PSD3: variants seen among roughly 807,000 people sequenced by gnomAD.
The protein encoded by PSD3 is pleckstrin and Sec7 domain containing 3, also known as PH and SEC7 domain-containing protein 3.
Under a neutral mutation model 105.5 loss-of-function variants are expected in PSD3, and 49 were observed. The ratio of observed to expected loss-of-function variants is 0.46; its 90% CI spans 0.37 to 0.59. PSD3 has a LOEUF of 0.59. PSD3 is among the 20% of genes least tolerant of loss of function. PSD3 has a pLI of 0.00. For missense variants in PSD3, 1,561 were observed against 1,263.8 expected (o/e 1.24, Z -3.57); for synonymous variants, 557 against 457.8 (o/e 1.22, Z -2.77).
chr8:18,949,104 C>T (rs1823040637), intron 1 of PSD3, among the ~76,000 whole-genome samples: 2 of 148,674 alleles, frequency 1.3e-5, no homozygotes, highest in Non-Finnish European at 3.0e-5. Context: ...CCCCTGTAGT[C>T]CCAGCTACTC....
chr8:18,915,687 C>T (rs916661736), intron 2 of PSD3, among the ~76,000 whole-genome samples: 5 of 152,064 alleles, frequency 3.3e-5, no homozygotes, highest in East Asian at 1.9e-4. Flanking sequence ...GGTATCACCT[C>T]GAATCTGTTA....
intron 9 of PSD3, among the ~76,000 whole-genome samples, chr8:18,723,357 A>G (rs1803130384): frequency 6.6e-6 from 1 of 152,222 alleles, no homozygotes. Context: ...GCCTTTGTGC[A>G]TATATGGATT....
chr8:19,019,994 C>T (rs917743676), intron 1 of PSD3, among the ~76,000 whole-genome samples: 1 of 152,068 alleles, frequency 6.6e-6, no homozygotes, highest in East Asian at 1.9e-4. Flanking sequence ...TCACCTTTCC[C>T]CCAAGACCCG....
At position 18,532,085 on chromosome 8, in the gene PSD3, G is replaced by C. The variant is rs372140575; in HGVS notation, c.*3658C>G. On this transcript the variant is annotated 3_prime_UTR_variant, in exon 16 of 16. Transcript: ENST00000327040. ...AAGACAATGGAGAAACTTCTTTAAC[G>C]TCAATTTTCTTCCAATTGTCAATGA... The C allele has an allele frequency of 6.6e-6, 1 of 152,152 alleles. No homozygotes were observed. The highest frequency in any genetic ancestry group is 1.5e-5 in the Non-Finnish European group (1 of 68,022). The allele number at this position is 152,152 out of a possible 1,614,324, so 9.4% of individuals were successfully genotyped here.
At chr8:18,815,125 T>C (rs114841705) in intron 4 of PSD3, among the ~76,000 whole-genome samples, 2,081 of 152,296 alleles carry the variant, frequency 0.014, 41 homozygotes, top group African/African-American at 0.048. Context: ...TAATAAATGC[T>C]ACAATCTAGC....
intron 4 of PSD3, among the ~76,000 whole-genome samples, chr8:18,854,779 C>A (rs1412347960): frequency 6.6e-6 from 1 of 152,164 alleles, no homozygotes; most frequent in Non-Finnish European, 1.5e-5. Flanking sequence ...TAATATTATA[C>A]ACAATTTAGC....
At chr8:18,574,496 A>G (rs1376636767) in intron 13 of PSD3, among the ~76,000 whole-genome samples, 1 of 152,182 alleles carries the variant, frequency 6.6e-6, no homozygotes, top group Non-Finnish European at 1.5e-5. Flanking sequence ...ACCCCGGGCA[A>G]CTTGTTTCCT....
intron 8 of PSD3, among the ~76,000 whole-genome samples, chr8:18,771,928 T>G (rs1292224900): frequency 6.6e-6 from 1 of 152,246 alleles, no homozygotes; most frequent in South Asian, 2.1e-4. Flanking sequence ...CGTTCTACTT[T>G]CTGTTTATAT....
At chr8:18,870,183 T>C (rs1347764038) in intron 3 of PSD3, among the ~76,000 whole-genome samples, 1 of 151,968 alleles carries the variant, frequency 6.6e-6, no homozygotes, top group East Asian at 1.9e-4. Context: ...GGCATTTCCT[T>C]ACACCGAACA....
At chr8:19,062,399 A>G (rs1447779494) in intron 1 of PSD3, among the ~76,000 whole-genome samples, 1 of 152,104 alleles carries the variant, frequency 6.6e-6, no homozygotes, top group Non-Finnish European at 1.5e-5. Context: ...TCAAGTCCAA[A>G]CCCCATTTTG....
At chr8:19,074,734 C>T (rs1185890995) in intron 1 of PSD3, among the ~76,000 whole-genome samples, 1 of 149,378 alleles carries the variant, frequency 6.7e-6, no homozygotes, top group East Asian at 2.0e-4. Context: ...CATTCTCCTG[C>T]CTCAGCCTCC....
intron 2 of PSD3, among the ~76,000 whole-genome samples, chr8:18,915,478 T>C (rs757683173): frequency 6.6e-5 from 10 of 152,124 alleles, no homozygotes; most frequent in Non-Finnish European, 1.2e-4. Flanking sequence ...ATATCCAAGA[T>C]ATAAATACAT....
At chr8:18,966,391 G>A (rs563152297) in intron 1 of PSD3, among the ~76,000 whole-genome samples, 4 of 152,054 alleles carry the variant, frequency 2.6e-5, no homozygotes, top group South Asian at 2.1e-4. Flanking sequence ...CCAACACTGC[G>A]AAATCCCCAT....
At chr8:18,827,337 G>C (rs765576604) in intron 4 of PSD3, among the ~76,000 whole-genome samples, 35 of 152,184 alleles carry the variant, frequency 2.3e-4, no homozygotes, top group Non-Finnish European at 4.6e-4. Context: ...ACCAGGGATA[G>C]GTCACAGAAG....
Position 18,528,173 on chromosome 8 carries a change from T to G in PSD3, c.*7570A>C, listed in dbSNP as rs956942192. ...AAATGGGTTCCTAAAGCTTGAGATA[T>G]AAGAGACTGCAGGGAGGTGGTTAGG... On this transcript the variant is annotated 3_prime_UTR_variant, in exon 16 of 16. Transcript: ENST00000327040. The G allele has an allele frequency of 6.6e-6, 1 of 152,192 alleles. No homozygotes were observed. The highest frequency in any genetic ancestry group is 1.5e-5 in the Non-Finnish European group (1 of 68,036). 9.4% of individuals were successfully genotyped at this position (152,192 alleles called of 1,614,324 possible).
chr8:19,070,137 C>T (rs781730396), intron 1 of PSD3, among the ~76,000 whole-genome samples: 4 of 151,636 alleles, frequency 2.6e-5, no homozygotes, highest in South Asian at 4.2e-4. Context: ...GCCCATAGTT[C>T]GGGGTACTCA....
intron 12 of PSD3, among the ~76,000 whole-genome samples, chr8:18,577,749 T>A (rs1365286084): frequency 6.6e-6 from 1 of 152,086 alleles, no homozygotes; most frequent in Non-Finnish European, 1.5e-5. Flanking sequence ...GCAATCTTAC[T>A]AAAATTATCT....
At chr8:18,826,339 C>A (rs1417862494) in intron 4 of PSD3, among the ~76,000 whole-genome samples, 1 of 152,144 alleles carries the variant, frequency 6.6e-6, no homozygotes, top group Non-Finnish European at 1.5e-5. Context: ...ATAGATAGCA[C>A]CTATTGATTC....
intron 4 of PSD3, among the ~76,000 whole-genome samples, chr8:18,839,844 T>G (rs1359403056): frequency 6.6e-6 from 1 of 152,122 alleles, no homozygotes; most frequent in Non-Finnish European, 1.5e-5. Flanking sequence ...GTGTCTTCCC[T>G]GCCTCCCACA....
Sources: allele counts gnomAD v4.1 joint callset (sites outside exome capture counted in the v4.1 genomes callset), GRCh38; gene constraint gnomAD v4.1.1; transcripts MANE v1.5; gene names NCBI Gene and HGNC (gene_info 2026-07-23, HGNC 2026-07-21).